INPP5F: variants seen among roughly 807,000 people sequenced by gnomAD.
The protein encoded by INPP5F is inositol polyphosphate-5-phosphatase F.
Under a neutral mutation model 137.2 loss-of-function variants are expected in INPP5F, and 97 were observed. The observed-to-expected ratio is 0.71, with a 90% CI of 0.60 to 0.84. INPP5F has a LOEUF of 0.84. Among genes scored for constraint, INPP5F ranks in the 40% least tolerant of loss-of-function variants. The probability of loss-of-function intolerance (pLI) is 0.00; values close to 1 mark genes in which losing one functional copy is unlikely to be tolerated. For missense variants in INPP5F, 1,271 were observed against 1,371.9 expected (o/e 0.93, Z 1.16); for synonymous variants, 504 against 476.9 (o/e 1.06, Z -0.74).
chr10:119,827,161 G>A lies in INPP5F; in HGVS notation c.2780G>A (p.Ser927Asn). The A allele has an allele frequency of 1.2e-6, 2 of 1,614,118 alleles. No homozygotes were observed. Among genetic ancestry groups the A allele is most frequent in the Non-Finnish European group, 1.7e-6 (2 of 1,180,028 alleles). ...APSEITVAHG[S>N]GLGKGQESPL... ...TCAGAGATTACTGTTGCTCATGGGA[G>A]TGGGCTTGGAAAAGGCCAGGAGTCT... is the stretch of plus-strand genomic sequence containing the variant. The change falls in exon 20 of 20, where the codon AGT becomes AAT. Residue 927 changes from serine (S) to asparagine (N), a missense_variant. Around this residue, in one of 6 missense-constraint regions of INPP5F, gnomAD observed 490 missense variants for 443.7 expected, o/e 1.10. Transcript: ENST00000650623.
chr10:119,741,340 C>G (rs1589666659), intron 1 of INPP5F, among the ~76,000 whole-genome samples: 1 of 152,106 alleles, frequency 6.6e-6, no homozygotes, highest in East Asian at 1.9e-4. Context: ...GAATTTACTA[C>G]CTGTTGTCCC....
chr10:119,749,869 C>T (rs1445136030), intron 1 of INPP5F, among the ~76,000 whole-genome samples: 1 of 152,194 alleles, frequency 6.6e-6, no homozygotes, highest in Non-Finnish European at 1.5e-5. Context: ...ACCTTCACCT[C>T]CTAGGTTCAA....
chr10:119,728,750 C>A (rs559320183), intron 1 of INPP5F, among the ~76,000 whole-genome samples: 1 of 152,294 alleles, frequency 6.6e-6, no homozygotes, highest in Admixed American at 6.5e-5. Flanking sequence ...TTACTGTCAA[C>A]CCCTTTTCCT....
At chr10:119,774,503 TTTTC>T (rs746290670) in intron 2 of INPP5F, among the ~76,000 whole-genome samples, 1 of 151,680 alleles carries the variant, frequency 6.6e-6, no homozygotes, top group Non-Finnish European at 1.5e-5. Context: ...TTGTTTTTTT[TTTTC>T]TTTCTTTCTT....
chr10:119,785,302 T>TTTTTTTTTTTTTTTGG (rs1554889600), intron 3 of INPP5F, among the ~76,000 whole-genome samples: 1 of 147,634 alleles, frequency 6.8e-6, no homozygotes, highest in Non-Finnish European at 1.5e-5. Context: ...TTTTTTTTTT[T>TTTTTTTTTTTTTTTGG]GGAGACGGAG....
At position 119,785,286 on chromosome 10, in the gene INPP5F, G is replaced by GTTTTTTTTTTTTTTTTTTTTTTTT. The variant is rs71019717; in HGVS notation, c.315+3531_315+3532insTTTTTTTTTTTTTTTTTTTTTTTT. ...TAACCTTTTGTGGAACTGCCAGACT[G>GTTTTTTTTTTTTTTTTTTTTTTTT]TTTTTTTTTTTTTTTTGGAGACGGA... On this transcript the variant is annotated intron_variant, in intron 3 of 19. Transcript: ENST00000650623. Among the ~76,000 whole-genome samples the GTTTTTTTTTTTTTTTTTTTTTTTT allele has an allele frequency of 6.4e-4, 68 of 106,224 alleles. 3 individuals carry two copies. Among genetic ancestry groups the GTTTTTTTTTTTTTTTTTTTTTTTT allele is most frequent in the East Asian group, 1.0e-3 (4 of 3,844 alleles). 69.7% of individuals were successfully genotyped at this position (106,224 alleles called of 152,430 possible).
chr10:119,822,182 C>G (rs956623097), intron 16 of INPP5F, among the ~76,000 whole-genome samples: 2 of 152,160 alleles, frequency 1.3e-5, no homozygotes, highest in African/African-American at 4.8e-5. Context: ...GCCACCACGC[C>G]TGGCCGTAGT....
At chr10:119,792,768 TTGAC>T (rs1031901548) in intron 6 of INPP5F, among the ~76,000 whole-genome samples, 1 of 152,166 alleles carries the variant, frequency 6.6e-6, no homozygotes, top group African/African-American at 2.4e-5. Context: ...TGTTGGAAAA[TTGAC>T]TGTCTAAAGA....
chr10:119,822,109 C>T (rs1436869705), intron 16 of INPP5F, among the ~76,000 whole-genome samples: 3 of 151,910 alleles, frequency 2.0e-5, no homozygotes, highest in South Asian at 2.1e-4. Context: ...AGGCTGGTCT[C>T]GAACTCCTGA....
chr10:119,813,983 C>A (rs1851154251), intron 15 of INPP5F, among the ~76,000 whole-genome samples: 1 of 152,012 alleles, frequency 6.6e-6, no homozygotes, highest in South Asian at 2.1e-4. Context: ...TTTTTGACTC[C>A]CACCTCTGTC....
chr10:119,815,251 ACT>A (rs1253901325), intron 15 of INPP5F: 1 of 152,190 alleles, frequency 6.6e-6, no homozygotes, highest in Admixed American at 6.6e-5. Flanking sequence ...GGATTCCCTG[ACT>A]CTCTTGCTCA....
intron 11 of INPP5F, 30 bp from the exon 12 acceptor site, chr10:119,806,330 G>T (rs1789033388): frequency 7.0e-7 from 1 of 1,426,376 alleles, no homozygotes; most frequent in African/African-American, 1.4e-5. Context: ...ATTTTATATT[G>T]TAAAATAATT....
intron 16 of INPP5F, among the ~76,000 whole-genome samples, chr10:119,821,824 G>A (rs1304638519): frequency 6.8e-6 from 1 of 146,074 alleles, no homozygotes; most frequent in Non-Finnish European, 1.5e-5. Flanking sequence ...CATTTTATAT[G>A]AGTTTTTATA....
intron 6 of INPP5F, among the ~76,000 whole-genome samples, chr10:119,795,517 G>C (rs1850341151): frequency 6.6e-6 from 1 of 151,514 alleles, no homozygotes; most frequent in Admixed American, 6.6e-5. Context: ...TCCCAGATGT[G>C]ATGGCGGCTG....
chr10:119,795,421 G>A lies in INPP5F; in HGVS notation c.670-1294G>A, dbSNP rs1263666224. Among the ~76,000 whole-genome samples the A allele has an allele frequency of 2.9e-4, 43 of 150,528 alleles. 1 individual carries two copies. Among genetic ancestry groups the A allele is most frequent in the African/African-American group, 9.1e-4 (37 of 40,858 alleles). ...TCAGATGGGGCGGCCGGGCAGAGAC[G>A]CTCCTCACATCCCAGATGGGGCGGC... On this transcript the variant is annotated intron_variant, in intron 6 of 19. Transcript: ENST00000650623.
intron 4 of INPP5F, 102 bp downstream of exon 4, chr10:119,791,747 A>G: frequency 7.5e-7 from 1 of 1,337,740 alleles, no homozygotes; most frequent in Non-Finnish European, 1.0e-6. Context: ...CATTTGTTGT[A>G]TTGAAGCACC....
chr10:119,814,929 G>A (rs1564848931), intron 15 of INPP5F, among the ~76,000 whole-genome samples: 1 of 151,928 alleles, frequency 6.6e-6, no homozygotes, highest in Non-Finnish European at 1.5e-5. Flanking sequence ...GCAGTGGCGC[G>A]ATCTCGGCTC....
At chr10:119,791,002 A>G (rs1316257380) in intron 3 of INPP5F, among the ~76,000 whole-genome samples, 1 of 152,164 alleles carries the variant, frequency 6.6e-6, no homozygotes, top group Non-Finnish European at 1.5e-5. Flanking sequence ...TCATTAGTGC[A>G]TGTGAGCGTA....
At chr10:119,819,517 A>C in intron 15 of INPP5F, 1 of 1,605,664 alleles carries the variant, frequency 6.2e-7, no homozygotes, top group East Asian at 2.2e-5. Flanking sequence ...GGCTTGGCTC[A>C]AGCAACAATT....
Sources: gnomAD v4.1 joint callset for allele counts (sites outside exome capture counted in the v4.1 genomes callset) on GRCh38, gnomAD v4.1.1 for gene constraint, gnomAD v4.1.1 regional missense constraint, MANE v1.5 for transcripts, NCBI Gene and HGNC (gene_info 2026-07-23, HGNC 2026-07-21) for gene names.